CIAO2A: variants seen among roughly 807,000 people sequenced by gnomAD.
The protein encoded by CIAO2A is cytosolic iron-sulfur assembly component 2A, also known as MIP18 family protein FAM96A.
CIAO2A carries 17 observed loss-of-function variants against 22.4 expected under a neutral mutation model. The observed-to-expected ratio is 0.76, with a 90% CI of 0.52 to 1.14. The LOEUF is 1.14. Ranked by LOEUF, CIAO2A falls within the 50% of genes most tolerant of loss-of-function variation. The pLI, the probability that CIAO2A is intolerant of heterozygous loss-of-function variation, is 0.00. For synonymous variants in CIAO2A, 74 were observed against 72.3 expected, an observed-to-expected ratio of 1.02 and a Z score of -0.12; for missense variants, 192 against 191.4, an observed-to-expected ratio of 1.00 and a Z score of -0.02.
chr15:64,092,309 C>T (rs1286820931), intron 1 of CIAO2A, among the ~76,000 whole-genome samples: 1 of 152,106 alleles, frequency 6.6e-6, no homozygotes, highest in Non-Finnish European at 1.5e-5. Flanking sequence ...TTTTAAGTTT[C>T]CTCTTAGTAT....
chr15:64,081,959 G>A (rs991553660), intron 2 of CIAO2A, among the ~76,000 whole-genome samples: 1 of 152,178 alleles, frequency 6.6e-6, no homozygotes, highest in Non-Finnish European at 1.5e-5. Flanking sequence ...CTTTATGCCT[G>A]CAAGGTACAA....
intron 1 of CIAO2A, among the ~76,000 whole-genome samples, chr15:64,093,051 A>C (rs1367046890): frequency 2.6e-5 from 4 of 152,230 alleles, no homozygotes; most frequent in African/African-American, 9.6e-5. Context: ...AATATTTAAT[A>C]TGCAACATGG....
At chr15:64,074,535 G>A (rs1475783598) in intron 4 of CIAO2A, 1 of 152,186 alleles carries the variant, frequency 6.6e-6, no homozygotes, top group Non-Finnish European at 1.5e-5. Flanking sequence ...ATTACAGGTA[G>A]AAGCCCTCAG....
chr15:64,091,867 TG>T (rs1317503491), intron 1 of CIAO2A, among the ~76,000 whole-genome samples: 1 of 151,954 alleles, frequency 6.6e-6, no homozygotes, highest in African/African-American at 2.4e-5. Context: ...AAGACCAGCC[TG>T]GGTAACATAG....
At chr15:64,087,688 G>T (rs1038276760) in intron 2 of CIAO2A, among the ~76,000 whole-genome samples, 1 of 152,118 alleles carries the variant, frequency 6.6e-6, no homozygotes, top group African/African-American at 2.4e-5. Context: ...ACGAAATAGC[G>T]ACCTTTTCAA....
chr15:64,090,920 G>C (rs186243895), intron 1 of CIAO2A, among the ~76,000 whole-genome samples: 19 of 152,244 alleles, frequency 1.2e-4, no homozygotes, highest in African/African-American at 4.6e-4. Context: ...ATATTTAGAA[G>C]TCTCAGTTGG....
In CIAO2A at chr15:64,093,578, TCCCCGCA is replaced by T. The variant is rs899856207; in HGVS notation, c.124+60_124+66del. 39 of 1,532,810 alleles carry T rather than the reference TCCCCGCA, an allele frequency of 2.5e-5. No homozygotes were observed. The Admixed American group carries it at 5.8e-4, about 23-fold the overall frequency. The allele number at this position is 1,532,810 out of a possible 1,614,324, so 95.0% of individuals were successfully genotyped here. On this transcript the variant is annotated intron_variant, in intron 1 of 4. Coordinates refer to ENST00000300030, the MANE Select transcript of CIAO2A (RefSeq NM_032231.7). Reference sequence around the variant, plus strand: ...TCCCAGCCCTCAGGTGAGGCCATCATCCCCGCACCCCTCAGCTCCGGCCTGCACCTAT... The same window carrying T: ...TCCCAGCCCTCAGGTGAGGCCATCATCCCCTCAGCTCCGGCCTGCACCTAT...
chr15:64,081,150 C>A lies in CIAO2A; in HGVS notation c.291G>T (p.Gly97=). Residue 97 remains glycine (G), a splice_region_variant and synonymous_variant, in exon 3 of 5, where the codon GGG becomes GGT. Transcript: ENST00000300030. ...GCTGAAGTTTTACTCTTAAGCACAG[C>A]CCTGTGGAGGGAAAATCACACCTCC... ...VPHCSLATLI[G]LCLRVKLQRC... 2 of 1,612,710 alleles carry A rather than the reference C, an allele frequency of 1.2e-6. No individual in the cohort carries two copies. The highest frequency in any genetic ancestry group is 1.7e-6 in the Non-Finnish European group (2 of 1,179,470).
intron 3 of CIAO2A, among the ~76,000 whole-genome samples, chr15:64,079,110 C>A (rs2080742181): frequency 6.7e-6 from 1 of 149,560 alleles, no homozygotes; most frequent in South Asian, 2.1e-4. Flanking sequence ...GAAATCAGGA[C>A]TAGTAGTATG....
At position 64,085,811 on chromosome 15, in the gene CIAO2A, C is replaced by A. The variant is rs369291454; in HGVS notation, c.289+2876G>T. On this transcript the variant is annotated intron_variant, in intron 2 of 4. Coordinates refer to ENST00000300030, the MANE Select transcript of CIAO2A (RefSeq NM_032231.7). ...GCAACCTCCGCCTCCCGGGTTCAAGCGATTCTCCTGCCTCAGCCTCCCACG... is the reference window on the plus strand; with the variant it reads ...GCAACCTCCGCCTCCCGGGTTCAAGAGATTCTCCTGCCTCAGCCTCCCACG... Among the ~76,000 whole-genome samples the A allele has an allele frequency of 1.5e-4, 23 of 151,996 alleles. No homozygotes were observed. In the East Asian group the frequency reaches 4.1e-3, roughly 27 times the overall value.
In CIAO2A at chr15:64,085,003, A is replaced by T. The variant is rs185266755; in HGVS notation, c.289+3684T>A. Among the ~76,000 whole-genome samples the T allele has an allele frequency of 3.5e-4, 53 of 150,700 alleles. No homozygotes were observed. In the East Asian group the frequency reaches 9.6e-3, roughly 27 times the overall value. On this transcript the variant is annotated intron_variant, in intron 2 of 4. Coordinates refer to ENST00000300030, the MANE Select transcript of CIAO2A (RefSeq NM_032231.7). ...AGCTACTCGGGAGGCTGAAGCGGAG[A>T]ATCACTTGAACCTGGGAGGTGGAAG...
chr15:64,073,615 T>G (rs2080692493), intron 4 of CIAO2A, among the ~76,000 whole-genome samples: 1 of 152,162 alleles, frequency 6.6e-6, no homozygotes, highest in Non-Finnish European at 1.5e-5. Context: ...TTATTATTAT[T>G]CTTTGAGACA....
intron 1 of CIAO2A, among the ~76,000 whole-genome samples, chr15:64,091,825 G>A (rs1160947481): frequency 6.6e-6 from 1 of 151,994 alleles, no homozygotes; most frequent in African/African-American, 2.4e-5. Flanking sequence ...TTGGGAGGCC[G>A]AGACAGGCAA....
intron 1 of CIAO2A, among the ~76,000 whole-genome samples, chr15:64,090,957 TACTC>T (rs1265524380): frequency 6.6e-6 from 1 of 152,150 alleles, no homozygotes; most frequent in Non-Finnish European, 1.5e-5. Flanking sequence ...ATTTCTTTCT[TACTC>T]TGAGGCTGGA....
intron 3 of CIAO2A, among the ~76,000 whole-genome samples, chr15:64,079,270 G>C (rs977243232): frequency 2.6e-5 from 4 of 152,142 alleles, no homozygotes; most frequent in Non-Finnish European, 4.4e-5. Context: ...GCCAGGCCCA[G>C]TGGTTCATGC....
At position 64,088,671 on chromosome 15, in the gene CIAO2A, G is replaced by A. The variant is rs749836777; in HGVS notation, c.289+16C>T. On this transcript the variant is annotated intron_variant, in intron 2 of 4. Coordinates refer to ENST00000300030, the MANE Select transcript of CIAO2A (RefSeq NM_032231.7). ...AGAATTTATATAAATATACATGTAT[G>A]TACAGAAAAACTTACCAATAAGAGT... The A allele has an allele frequency of 6.3e-7, 1 of 1,591,052 alleles. No homozygotes were observed. Among genetic ancestry groups the A allele is most frequent in the South Asian group, 1.1e-5 (1 of 87,880 alleles).
intron 1 of CIAO2A, among the ~76,000 whole-genome samples, chr15:64,091,287 CCAG>C (rs2080837696): frequency 6.6e-6 from 1 of 152,108 alleles, no homozygotes; most frequent in Non-Finnish European, 1.5e-5. Context: ...GAGTTCAAGA[CCAG>C]CCTGGCCAAC....
At chr15:64,087,530 C>T (rs2140114635) in intron 2 of CIAO2A, among the ~76,000 whole-genome samples, 1 of 152,190 alleles carries the variant, frequency 6.6e-6, no homozygotes, top group South Asian at 2.1e-4. Context: ...CGCCCGGTCA[C>T]CAATGGGATT....
intron 3 of CIAO2A, among the ~76,000 whole-genome samples, chr15:64,080,120 C>G (rs569850960): frequency 6.6e-6 from 1 of 152,210 alleles, no homozygotes; most frequent in Non-Finnish European, 1.5e-5. Flanking sequence ...GGTGCAGTGG[C>G]TCATGCCTAT....
Sources: gnomAD v4.1 joint callset for allele counts (sites outside exome capture counted in the v4.1 genomes callset) on GRCh38, gnomAD v4.1.1 for gene constraint, MANE v1.5 for transcripts, NCBI Gene and HGNC (gene_info 2026-07-23, HGNC 2026-07-21) for gene names.